The following C3orf49 variants were observed in gnomAD, a reference collection of about 807,000 sequenced individuals.
The protein encoded by C3orf49 is chromosome 3 open reading frame 49.
Under a neutral mutation model 13.3 loss-of-function variants are expected in C3orf49, and 27 were observed. The observed-to-expected ratio is 2.02, with a 90% CI of 1.49 to 2.79. The LOEUF is 2.79. Ranked by LOEUF, C3orf49 falls within the 30% of genes most tolerant of loss-of-function variation. C3orf49 has a pLI of 0.00. For missense variants in C3orf49, 242 were observed against 134.2 expected (o/e 1.80, Z -3.97); for synonymous variants, 87 against 47.6 (o/e 1.83, Z -3.40).
chr3:63,813,232 T>C, the C3orf49 span, among the ~76,000 whole-genome samples: 14 of 152,238 alleles, frequency 9.2e-5, no homozygotes, highest in Admixed American at 8.5e-4. Flanking sequence ...TATATCCTTA[T>C]ATCATTGTGT....
the C3orf49 span, chr3:63,805,024 G>A: frequency 1.3e-5 from 2 of 152,160 alleles, no homozygotes; most frequent in African/African-American, 2.4e-5. Context: ...AATACTGTTT[G>A]CCAACATACT....
Position 63,823,541 on chromosome 3 carries a change from A to C in C3orf49, c.417A>C (p.Thr139=). ...AGTTTTCATCTCCCAAGTTATTTAC[A>C]GCAAAAATGAGAAAGCTCTCAGAGA... ...VKEFSSPKLF[T]AKMRKLSENA... The change falls in exon 2 of 7, where the codon ACA becomes ACC. Residue 139 remains threonine (T), a synonymous_variant. Transcript: ENST00000295896. 1.4e-6 allele frequency: 1 copy of C among 699,438 alleles called. No homozygotes were observed. 43.3% of individuals were successfully genotyped at this position (699,438 alleles called of 1,614,324 possible). A position where few individuals can be genotyped will look rare whatever the true frequency, so the allele number is the denominator to read the frequency against.
rs116679597 is a variant in C3orf49, at chr3:63,837,977, T to G, written c.849+6133T>G. Reference sequence around the variant, plus strand: ...CATTAAATCCCTCAAAACCCTTACCTTGGCGATTTTTTCGTATTCGTTTTG... The same window carrying G: ...CATTAAATCCCTCAAAACCCTTACCGTGGCGATTTTTTCGTATTCGTTTTG... On this transcript the variant is annotated intron_variant, in intron 5 of 6. Transcript: ENST00000295896. 1 of 1,607,356 alleles carries G rather than the reference T, an allele frequency of 6.2e-7. No individual in the cohort carries two copies. The highest frequency in any genetic ancestry group is 8.5e-7 in the Non-Finnish European group (1 of 1,177,672).
upstream of C3orf49, among the ~76,000 whole-genome samples, chr3:63,818,457 G>C (rs1229256725): frequency 6.6e-6 from 1 of 152,164 alleles, no homozygotes; most frequent in Non-Finnish European, 1.5e-5. Flanking sequence ...AGCGTCACCT[G>C]CGGGTTTGTT....
At chr3:63,836,498 C>T in intron 5 of C3orf49, 1 of 752,276 alleles carries the variant, frequency 1.3e-6, no homozygotes, top group South Asian at 1.7e-5. Context: ...TGAGTATTGC[C>T]AGTTTTAGTT....
At chr3:63,834,175 T>G in intron 5 of C3orf49, 1 of 1,614,102 alleles carries the variant, frequency 6.2e-7, no homozygotes, top group Non-Finnish European at 8.5e-7. Flanking sequence ...CTGAGCTTCT[T>G]CTACCTCTGA....
At chr3:63,817,564 G>A (rs1161009182), upstream of C3orf49, among the ~76,000 whole-genome samples, 9 of 151,990 alleles carry the variant, frequency 5.9e-5, no homozygotes, top group African/African-American at 9.7e-5. Flanking sequence ...AGAGGTTTTC[G>A]TTACCCGCCC....
intron 5 of C3orf49, chr3:63,834,176 C>A (rs1328236108): frequency 1.2e-6 from 2 of 1,614,036 alleles, no homozygotes; most frequent in Admixed American, 3.3e-5. Flanking sequence ...TGAGCTTCTT[C>A]TACCTCTGAG....
chr3:63,790,338 T>G, the C3orf49 span, among the ~76,000 whole-genome samples: 2 of 152,172 alleles, frequency 1.3e-5, no homozygotes, highest in Non-Finnish European at 2.9e-5. Context: ...CTGGTGTAGG[T>G]GGGCCCAGGA....
intron 2 of C3orf49, chr3:63,826,818 G>C (rs1221095714): frequency 2.0e-5 from 3 of 152,122 alleles, no homozygotes. Flanking sequence ...AAGAAAAAGA[G>C]AGTACCTGTA....
intron 5 of C3orf49, among the ~76,000 whole-genome samples, chr3:63,840,257 T>G (rs2107127778): frequency 6.6e-6 from 1 of 152,220 alleles, no homozygotes; most frequent in African/African-American, 2.4e-5. Flanking sequence ...CAGGAAATAT[T>G]TAAAAGATGT....
chr3:63,828,215 T>C (rs1302270201), intron 3 of C3orf49, among the ~76,000 whole-genome samples: 1 of 152,256 alleles, frequency 6.6e-6, no homozygotes, highest in Non-Finnish European at 1.5e-5. Flanking sequence ...TAGCCATATG[T>C]ACAACACAGA....
chr3:63,820,803 T>G (rs1033320112), intron 1 of C3orf49, among the ~76,000 whole-genome samples: 5 of 152,170 alleles, frequency 3.3e-5, no homozygotes, highest in Non-Finnish European at 4.4e-5. Context: ...CAGAAAATCA[T>G]TATAATAACT....
the C3orf49 span, among the ~76,000 whole-genome samples, chr3:63,809,731 T>C: frequency 6.6e-6 from 1 of 152,214 alleles, no homozygotes; most frequent in Non-Finnish European, 1.5e-5. Context: ...ACAGAGACTT[T>C]GCTCTGATCA....
chr3:63,842,371 A>T (rs1048344837), intron 5 of C3orf49, among the ~76,000 whole-genome samples: 1 of 152,184 alleles, frequency 6.6e-6, no homozygotes, highest in Admixed American at 6.5e-5. Flanking sequence ...GTGGAATGTA[A>T]ATTAGTACAG....
intron 2 of C3orf49, among the ~76,000 whole-genome samples, chr3:63,824,402 A>G (rs1032223288): frequency 1.5e-4 from 23 of 152,156 alleles, no homozygotes; most frequent in Admixed American, 6.5e-4. Context: ...TTTACTTTCT[A>G]TGTACTGTGT....
chr3:63,837,759 T>C (rs1321079618), intron 5 of C3orf49, among the ~76,000 whole-genome samples: 1 of 151,942 alleles, frequency 6.6e-6, no homozygotes, highest in Non-Finnish European at 1.5e-5. Flanking sequence ...AGAAAAGAAA[T>C]ACTTGGATAA....
the C3orf49 span, among the ~76,000 whole-genome samples, chr3:63,804,300 A>G: frequency 1.3e-5 from 2 of 152,134 alleles, no homozygotes; most frequent in African/African-American, 4.8e-5. Context: ...AATTAGCTAT[A>G]TTTTATCTAG....
At chr3:63,845,133 A>C (rs751714715) in intron 6 of C3orf49, 51 bp downstream of exon 6, 2 of 653,900 alleles carry the variant, frequency 3.1e-6, no homozygotes, top group African/African-American at 1.8e-5. Flanking sequence ...TCCTTCATGT[A>C]GCCCTGAGGG....
Sources: gnomAD v4.1 joint callset for allele counts (sites outside exome capture counted in the v4.1 genomes callset) on GRCh38, gnomAD v4.1.1 for gene constraint, MANE v1.5 for transcripts, NCBI Gene and HGNC (gene_info 2026-07-23, HGNC 2026-07-21) for gene names.